KCNJ6: variants seen among roughly 807,000 people sequenced by gnomAD.
KCNJ6 encodes potassium inwardly rectifying channel subfamily J member 6.
In KCNJ6, 9 loss-of-function variants were observed where a neutral mutation model predicts 34.2. That is an observed-to-expected ratio of 0.26 (90% CI 0.16 to 0.46). The LOEUF is 0.46. Ranked by LOEUF, KCNJ6 falls within the 20% of genes least tolerant of loss-of-function variation. The pLI is 1.00. For missense variants in KCNJ6, 236 were observed against 531.3 expected (o/e 0.44, Z 5.46); for synonymous variants, 196 against 207.1 (o/e 0.95, Z 0.46).
At chr21:37,888,263 T>C (rs2055745352) in intron 1 of KCNJ6, among the ~76,000 whole-genome samples, 1 of 152,204 alleles carries the variant, frequency 6.6e-6, no homozygotes, top group South Asian at 2.1e-4. Context: ...CTTCTACTGC[T>C]CCCACATCAT....
At chr21:37,866,527 A>G (rs544569893) in intron 1 of KCNJ6, among the ~76,000 whole-genome samples, 9 of 152,216 alleles carry the variant, frequency 5.9e-5, no homozygotes, top group Non-Finnish European at 8.8e-5. Flanking sequence ...TGCTAAAGGA[A>G]CAGACCTGGC....
intron 1 of KCNJ6, among the ~76,000 whole-genome samples, chr21:37,911,958 A>G (rs1331537636): frequency 6.6e-6 from 1 of 152,198 alleles, no homozygotes; most frequent in Admixed American, 6.5e-5. Context: ...TATAAAGTAG[A>G]GGTAGACTGA....
intron 1 of KCNJ6, among the ~76,000 whole-genome samples, chr21:37,859,529 AT>A (rs1232466339): frequency 1.0e-4 from 10 of 100,444 alleles, no homozygotes; most frequent in Non-Finnish European, 9.7e-5. Flanking sequence ...ATATATATAT[AT>A]AAAATACTTA....
intron 2 of KCNJ6, among the ~76,000 whole-genome samples, chr21:37,730,668 A>C (rs2054879674): frequency 6.6e-6 from 1 of 152,232 alleles, no homozygotes; most frequent in African/African-American, 2.4e-5. Context: ...CCCATCTGGA[A>C]GCTAAGAGCC....
intron 2 of KCNJ6, among the ~76,000 whole-genome samples, chr21:37,805,638 T>G (rs763971644): frequency 8.5e-5 from 13 of 152,120 alleles, no homozygotes; most frequent in Admixed American, 7.9e-4. Flanking sequence ...AATAAGGCAT[T>G]TGCAGAAGTG....
rs75488309 is a variant in KCNJ6 at position 37,712,774 on chromosome 21, T to C, written c.946+1437A>G. 5.8e-3 allele frequency among the ~76,000 whole-genome samples: 372 copies of C among 64,500 alleles called. 111 individuals carry two copies. Among genetic ancestry groups the C allele is most frequent in the Non-Finnish European group, 7.6e-3 (217 of 28,424 alleles). The allele number at this position is 64,500 out of a possible 152,430, so 42.3% of individuals were successfully genotyped here. On this transcript the variant is annotated intron_variant, in intron 3 of 3. Coordinates refer to ENST00000609713, the MANE Select transcript of KCNJ6 (RefSeq NM_002240.5). ...TCCTCCCCTTCCTCCTCCCCTGCCT[T>C]CCCTTCTACTTCTCCCTTCTATCTC... is the stretch of plus-strand genomic sequence containing the variant.
At chr21:37,863,906 T>C (rs2055608659) in intron 1 of KCNJ6, among the ~76,000 whole-genome samples, 1 of 143,444 alleles carries the variant, frequency 7.0e-6, no homozygotes, top group African/African-American at 2.6e-5. Context: ...GCTTCTGCTA[T>C]ATTGGCAGTT....
At chr21:37,663,955 C>G (rs1467076513) in intron 3 of KCNJ6, among the ~76,000 whole-genome samples, 1 of 152,182 alleles carries the variant, frequency 6.6e-6, no homozygotes, top group East Asian at 1.9e-4. Flanking sequence ...GGATATTTAC[C>G]ATGTACAACG....
chr21:37,672,730 C>G (rs557267480), intron 3 of KCNJ6, among the ~76,000 whole-genome samples: 1 of 152,164 alleles, frequency 6.6e-6, no homozygotes, highest in African/African-American at 2.4e-5. Context: ...CTCTCTTTCT[C>G]TTTTTCTCCC....
chr21:37,697,342 G>A (rs548078656), intron 3 of KCNJ6, among the ~76,000 whole-genome samples: 1 of 152,270 alleles, frequency 6.6e-6, no homozygotes, highest in South Asian at 2.1e-4. Flanking sequence ...GACCTTACAG[G>A]GTGTGAAGAA....
chr21:37,796,810 G>A (rs1601476056), intron 2 of KCNJ6, among the ~76,000 whole-genome samples: 1 of 98,240 alleles, frequency 1.0e-5, no homozygotes, highest in African/African-American at 4.1e-5. Context: ...TTTTTGAGAC[G>A]GAGTCTTGCT....
chr21:37,726,742 A>G (rs1045251322), intron 2 of KCNJ6, among the ~76,000 whole-genome samples: 4 of 152,192 alleles, frequency 2.6e-5, no homozygotes, highest in Non-Finnish European at 4.4e-5. Context: ...TGCTTCTACC[A>G]TCTAAAGAAC....
intron 3 of KCNJ6, among the ~76,000 whole-genome samples, chr21:37,665,017 C>T (rs1194586431): frequency 6.6e-6 from 1 of 151,868 alleles, no homozygotes; most frequent in Non-Finnish European, 1.5e-5. Context: ...AGGATGGTCT[C>T]GATCTCCTGA....
chr21:37,881,076 G>A (rs2055705246), intron 1 of KCNJ6, among the ~76,000 whole-genome samples: 1 of 152,194 alleles, frequency 6.6e-6, no homozygotes, highest in South Asian at 2.1e-4. Flanking sequence ...TGGAGAGTCT[G>A]GAGGCAGGCA....
intron 1 of KCNJ6, among the ~76,000 whole-genome samples, chr21:37,879,503 C>T (rs1426139824): frequency 6.6e-6 from 1 of 152,096 alleles, no homozygotes. Context: ...TCCATCCCTG[C>T]GTGAGTGATA....
chr21:37,713,637 C>A (rs144148245), intron 3 of KCNJ6, among the ~76,000 whole-genome samples: 151 of 152,280 alleles, frequency 9.9e-4, no homozygotes, highest in African/African-American at 3.5e-3. Context: ...CAACTTTTTT[C>A]TTTTCTGCTA....
intron 3 of KCNJ6, among the ~76,000 whole-genome samples, chr21:37,698,326 G>A (rs1054577190): frequency 4.6e-5 from 7 of 152,320 alleles, no homozygotes; most frequent in African/African-American, 1.4e-4. Flanking sequence ...TGCTTCTCCA[G>A]GCGGGGGCTG....
intron 3 of KCNJ6, among the ~76,000 whole-genome samples, chr21:37,688,592 G>A (rs1300743574): frequency 6.6e-6 from 1 of 152,156 alleles, no homozygotes; most frequent in Non-Finnish European, 1.5e-5. Context: ...TTTTCCTAGT[G>A]AGCCTAACCT....
chr21:37,695,319 G>A lies in KCNJ6; in HGVS notation c.946+18892C>T, dbSNP rs2054659177. On this transcript the variant is annotated intron_variant, in intron 3 of 3. Coordinates refer to ENST00000609713, the MANE Select transcript of KCNJ6 (RefSeq NM_002240.5). This position sits in a 1 kb window ranked among gnomAD's most constrained non-coding sequence, Gnocchi z 4.2. ...AAAGTCCAACTATTCTTAGTGCTGT[G>A]ACATGAAGAAATTTCCCCAGAGAGT... Among the ~76,000 whole-genome samples the A allele has an allele frequency of 1.3e-5, 2 of 152,216 alleles. No homozygotes were observed. Among genetic ancestry groups the A allele is most frequent in the Admixed American group, 1.3e-4 (2 of 15,282 alleles).
Sources: gnomAD v4.1 joint callset for allele counts (sites outside exome capture counted in the v4.1 genomes callset) on GRCh38, gnomAD v4.1.1 for gene constraint, Gnocchi (gnomAD v3.1) non-coding constraint, MANE v1.5 for transcripts, NCBI Gene and HGNC (gene_info 2026-07-23, HGNC 2026-07-21) for gene names.